SMC5: variants seen among roughly 807,000 people sequenced by gnomAD.
SMC5 encodes the protein structural maintenance of chromosomes 5.
In SMC5, 88 loss-of-function variants were observed where a neutral mutation model predicts 148.3. That is an observed-to-expected ratio of 0.59 (90% CI 0.50 to 0.71). The LOEUF (loss-of-function observed/expected upper bound fraction) is 0.71, where lower values mean the gene tolerates loss of function less well. Ranked by LOEUF, SMC5 falls within the 30% of genes least tolerant of loss-of-function variation. The pLI, the probability that SMC5 is intolerant of heterozygous loss-of-function variation, is 0.00. For missense variants in SMC5, 1,142 were observed against 1,298.9 expected (o/e 0.88, Z 1.86); for synonymous variants, 421 against 432.8 (o/e 0.97, Z 0.34).
intron 1 of SMC5, among the ~76,000 whole-genome samples, chr9:70,260,560 G>A (rs916443546): frequency 3.3e-5 from 5 of 151,836 alleles, no homozygotes; most frequent in African/African-American, 1.2e-4. Flanking sequence ...TTCCATTGCT[G>A]AAAGAAGCTC....
intron 8 of SMC5, among the ~76,000 whole-genome samples, chr9:70,287,608 C>G (rs1182273410): frequency 6.6e-6 from 1 of 152,146 alleles, no homozygotes; most frequent in South Asian, 2.1e-4. Flanking sequence ...AGTTCTCAGC[C>G]TCACCCCTTT....
intron 15 of SMC5, among the ~76,000 whole-genome samples, chr9:70,323,138 A>AT (rs960498624): frequency 6.6e-6 from 1 of 152,160 alleles, no homozygotes; most frequent in African/African-American, 2.4e-5. Context: ...AATATCTGTG[A>AT]TTTTAGGCAA....
chr9:70,274,777 G>C (rs1201151537), intron 3 of SMC5, among the ~76,000 whole-genome samples: 1 of 151,888 alleles, frequency 6.6e-6, no homozygotes, highest in East Asian at 1.9e-4. Context: ...AATTTTAGCA[G>C]GTATACTTGC....
intron 8 of SMC5, among the ~76,000 whole-genome samples, chr9:70,289,123 T>C (rs2034988380): frequency 6.6e-6 from 1 of 152,082 alleles, no homozygotes; most frequent in Non-Finnish European, 1.5e-5. Context: ...CTGCAGCTTC[T>C]GCCTCCCCGG....
At chr9:70,297,017 T>A (rs189727375) in intron 8 of SMC5, among the ~76,000 whole-genome samples, 3 of 149,560 alleles carry the variant, frequency 2.0e-5, no homozygotes, top group African/African-American at 7.7e-5. Flanking sequence ...AAATAGTTTA[T>A]TTCTGTTTCA....
At chr9:70,324,235 T>G in intron 17 of SMC5, 92 bp downstream of exon 17, 1 of 1,285,846 alleles carries the variant, frequency 7.8e-7, no homozygotes, top group African/African-American at 1.5e-5. Context: ...ATATATAGTT[T>G]GTTGTTTTAT....
At chr9:70,272,897 A>G (rs2034489731) in intron 3 of SMC5, among the ~76,000 whole-genome samples, 1 of 152,214 alleles carries the variant, frequency 6.6e-6, no homozygotes, top group Non-Finnish European at 1.5e-5. Flanking sequence ...TGATAGGTCA[A>G]GTAAATTGAG....
chr9:70,319,148 G>T (rs764725269), intron 15 of SMC5, among the ~76,000 whole-genome samples, 185 bp downstream of exon 15: 1 of 152,140 alleles, frequency 6.6e-6, no homozygotes, highest in African/African-American at 2.4e-5. Context: ...CTTGAGTGTT[G>T]CAAGTTCTTC....
At chr9:70,331,055 AG>A in intron 17 of SMC5, among the ~76,000 whole-genome samples, 1 of 152,350 alleles carries the variant, frequency 6.6e-6, no homozygotes, top group Non-Finnish European at 1.5e-5. Context: ...AATTTTCATC[AG>A]AAATACTTGA....
intron 4 of SMC5, among the ~76,000 whole-genome samples, chr9:70,277,821 T>C (rs1431975669): frequency 6.6e-6 from 1 of 151,948 alleles, no homozygotes; most frequent in Non-Finnish European, 1.5e-5. Context: ...TACATATATT[T>C]GAGTCTACAA....
chr9:70,276,533 A>C (rs2034596707), intron 3 of SMC5, among the ~76,000 whole-genome samples: 1 of 152,202 alleles, frequency 6.6e-6, no homozygotes, highest in Non-Finnish European at 1.5e-5. Context: ...TACTTCCTTT[A>C]AAGTCATAAA....
chr9:70,279,978 A>G (rs970882122), intron 5 of SMC5, among the ~76,000 whole-genome samples: 6 of 152,168 alleles, frequency 3.9e-5, no homozygotes, highest in Admixed American at 3.3e-4. Context: ...TTAAACTGTG[A>G]CTTTATATAC....
In SMC5 at chr9:70,278,471, A is replaced by G. The variant is rs774674107; in HGVS notation, c.544-20A>G. 8.1e-6 allele frequency: 13 copies of G among 1,599,358 alleles called. No homozygotes were observed. The highest frequency in any genetic ancestry group is 1.7e-4 in the Middle Eastern group (1 of 6,044). On this transcript the variant is annotated intron_variant, in intron 4 of 24. Coordinates refer to ENST00000361138, the MANE Select transcript of SMC5 (RefSeq NM_015110.4). ...ATGTAAATGAATGATAGTTGCTGATATTTAATTTTTGTGCTCTAGGACAAA... is the reference window on the plus strand; with the variant it reads ...ATGTAAATGAATGATAGTTGCTGATGTTTAATTTTTGTGCTCTAGGACAAA...
chr9:70,325,682 T>A (rs1180232588), intron 17 of SMC5, among the ~76,000 whole-genome samples: 3 of 152,068 alleles, frequency 2.0e-5, no homozygotes, highest in Non-Finnish European at 4.4e-5. Context: ...ACAATGTAAC[T>A]AAAGCACATT....
intron 17 of SMC5, among the ~76,000 whole-genome samples, chr9:70,342,229 G>T (rs187800128): frequency 2.4e-3 from 312 of 131,646 alleles, no homozygotes; most frequent in Middle Eastern, 7.5e-3. Context: ...TCACAGTCTG[G>T]GGACTGTTGT....
Position 70,300,108 on chromosome 9 carries a change from CAG to C in SMC5, c.1376_1377del (p.Arg459IlefsTer3), listed in dbSNP as rs781212367. 77 of 1,603,320 alleles carry C rather than the reference CAG, an allele frequency of 4.8e-5. No individual in the cohort carries two copies. Among genetic ancestry groups the C allele is most frequent in the Non-Finnish European group, 6.4e-5 (75 of 1,177,064 alleles). On this transcript the variant is annotated frameshift_variant, in exon 10 of 25. Transcript: ENST00000361138. LOFTEE classifies it high-confidence loss of function. ...LMNQKEDKLR[Q>X]RFRDTYDAVL... ...GAATCAGAAGGAAGATAAGCTAAGA[CAG>C]AGATTCCGTGACACGTATGATGCTG...
rs577445362 is a variant in SMC5, at chr9:70,267,687, A to G, written c.328-236A>G. On this transcript the variant is annotated intron_variant, in intron 2 of 24. Coordinates refer to ENST00000361138, the MANE Select transcript of SMC5 (RefSeq NM_015110.4). ...TTTGTCACGAGGTTGGTAAGAGGCT[A>G]TGGAGTGCATAGGAGTTCGATAAAT... Among the ~76,000 whole-genome samples the G allele has an allele frequency of 4.6e-5, 7 of 152,280 alleles. No individual in the cohort carries two copies. In the South Asian group the frequency reaches 8.3e-4, roughly 18 times the overall value.
chr9:70,303,863 G>C (rs886374292), intron 10 of SMC5, among the ~76,000 whole-genome samples: 1 of 152,128 alleles, frequency 6.6e-6, no homozygotes, highest in Non-Finnish European at 1.5e-5. Context: ...CAAGAAAGCT[G>C]ATTTCCATGT....
intron 7 of SMC5, among the ~76,000 whole-genome samples, chr9:70,283,491 T>C (rs1437079940): frequency 6.6e-6 from 1 of 152,088 alleles, no homozygotes; most frequent in Non-Finnish European, 1.5e-5. Flanking sequence ...ATAATAAAAA[T>C]TTAAAAATAA....
Sources: gnomAD v4.1 joint callset for allele counts (sites outside exome capture counted in the v4.1 genomes callset) on GRCh38, gnomAD v4.1.1 for gene constraint, MANE v1.5 for transcripts, NCBI Gene and HGNC (gene_info 2026-07-23, HGNC 2026-07-21) for gene names.